MAML3: variants seen among roughly 807,000 people sequenced by gnomAD.
MAML3 encodes mastermind-like protein 3.
In MAML3, 27 loss-of-function variants were observed where a neutral mutation model predicts 101.9. That is an observed-to-expected ratio of 0.27 (90% CI 0.20 to 0.37). The LOEUF (loss-of-function observed/expected upper bound fraction) is 0.37, where lower values mean the gene tolerates loss of function less well. MAML3 is among the 10% of genes least tolerant of loss of function. The pLI is 1.00. For synonymous variants in MAML3, 501 were observed against 555.9 expected, an observed-to-expected ratio of 0.90 and a Z score of 1.39; for missense variants, 1,316 against 1,444.9, an observed-to-expected ratio of 0.91 and a Z score of 1.45.
Position 139,890,556 on chromosome 4 carries a change from T to C in MAML3, c.880A>G (p.Asn294Asp), listed in dbSNP as rs1057409715. The C allele has an allele frequency of 6.2e-7, 1 of 1,614,036 alleles. No individual in the cohort carries two copies. Among genetic ancestry groups the C allele is most frequent in the East Asian group, 2.2e-5 (1 of 44,890 alleles). Reference sequence around the variant, plus strand: ...ATGTCTGAGAACAGCTTGTTCTGATTTGAAAGAGATGTTTCTGATGTGTCT... The same window carrying C: ...ATGTCTGAGAACAGCTTGTTCTGATCTGAAAGAGATGTTTCTGATGTGTCT... The part of the protein sequence containing the change: ...CIDTSETSLS[N>D]QNKLFSDINL... Residue 294 changes from asparagine (N) to aspartate (D), a missense_variant, in exon 2 of 5, where the codon AAT (asparagine) becomes GAT (aspartate). Coordinates refer to ENST00000509479, the MANE Select transcript of MAML3 (RefSeq NM_018717.5). This position sits in a 1 kb window ranked among gnomAD's most constrained non-coding sequence, Gnocchi z 4.1.
chr4:140,068,938 C>T (rs183284074), intron 1 of MAML3, among the ~76,000 whole-genome samples: 4 of 152,138 alleles, frequency 2.6e-5, no homozygotes, highest in Non-Finnish European at 5.9e-5. Flanking sequence ...CCTATTGCAA[C>T]CAAACATTGA....
chr4:140,122,252 G>A (rs890573569), intron 1 of MAML3, among the ~76,000 whole-genome samples: 6 of 113,214 alleles, frequency 5.3e-5, no homozygotes, highest in Non-Finnish European at 1.1e-4. Flanking sequence ...ACAGAGTTTC[G>A]CTTTTGTCCC....
At position 140,011,640 on chromosome 4, in the gene MAML3, G is replaced by A. The variant is rs186167493; in HGVS notation, c.469-120673C>T. 3.0e-4 allele frequency among the ~76,000 whole-genome samples: 45 copies of A among 152,168 alleles called. No homozygotes were observed. The Middle Eastern group carries it at 0.014, about 46-fold the overall frequency. ...ATTACAGGCGTGAGCCACCGCGCCCGGCCGTTTTCTTGTTTTTATGGGAGG... is the reference window on the plus strand; with the variant it reads ...ATTACAGGCGTGAGCCACCGCGCCCAGCCGTTTTCTTGTTTTTATGGGAGG... On this transcript the variant is annotated intron_variant, in intron 1 of 4. Transcript: ENST00000509479.
At chr4:139,860,177 C>T (rs548651031) in intron 2 of MAML3, among the ~76,000 whole-genome samples, 1 of 152,366 alleles carries the variant, frequency 6.6e-6, no homozygotes, top group Non-Finnish European at 1.5e-5. Context: ...GCCGCAGAGG[C>T]GTGGAAACGC....
intron 2 of MAML3, among the ~76,000 whole-genome samples, chr4:139,862,650 A>T (rs759148443): frequency 3.5e-4 from 54 of 152,324 alleles, no homozygotes; most frequent in Non-Finnish European, 5.7e-4. Flanking sequence ...CTATCTCTGT[A>T]GCTGCCACCC....
intron 1 of MAML3, among the ~76,000 whole-genome samples, chr4:139,910,060 C>T (rs1228363331): frequency 6.6e-6 from 1 of 151,942 alleles, no homozygotes; most frequent in African/African-American, 2.4e-5. Flanking sequence ...TAGGACAAAA[C>T]AAAGAAGAAT....
intron 2 of MAML3, among the ~76,000 whole-genome samples, chr4:139,885,960 A>AAAG (rs771617532): frequency 1.6e-4 from 21 of 134,328 alleles, no homozygotes; most frequent in Non-Finnish European, 1.9e-4. Flanking sequence ...AAAAAAAAGA[A>AAAG]AGAGAAAAAA....
intron 1 of MAML3, among the ~76,000 whole-genome samples, chr4:140,021,332 G>C (rs372777839): frequency 2.1e-4 from 32 of 152,198 alleles, no homozygotes; most frequent in East Asian, 1.4e-3. Context: ...AAATTAACTA[G>C]GGCTGGAAAA....
chr4:139,945,401 A>C (rs1184374660), intron 1 of MAML3, among the ~76,000 whole-genome samples: 1 of 152,156 alleles, frequency 6.6e-6, no homozygotes, highest in Non-Finnish European at 1.5e-5. Context: ...ATTTTTTTAA[A>C]AAAGATTTAT....
rs1215236435 is a variant in MAML3 at position 140,050,016 on chromosome 4, G to C, written c.468+102844C>G. Among the ~76,000 whole-genome samples, 6 of 152,090 alleles carry C rather than the reference G, an allele frequency of 3.9e-5. No homozygotes were observed. The East Asian group carries it at 1.2e-3, about 29-fold the overall frequency. On this transcript the variant is annotated intron_variant, in intron 1 of 4. Transcript: ENST00000509479. ...AGCAGAGAAACATCTCTGCTAGAAAGATTTTTTTTTCCTTTGCCTCCTTTG... is the reference window on the plus strand; with the variant it reads ...AGCAGAGAAACATCTCTGCTAGAAACATTTTTTTTTCCTTTGCCTCCTTTG...
intron 1 of MAML3, among the ~76,000 whole-genome samples, chr4:140,054,934 C>T (rs550697681): frequency 2.2e-4 from 34 of 152,304 alleles, no homozygotes; most frequent in Admixed American, 4.6e-4. Flanking sequence ...GAAATTTTGT[C>T]TTCATTTTTA....
chr4:139,869,512 A>G (rs1731961070), intron 2 of MAML3, among the ~76,000 whole-genome samples: 1 of 152,242 alleles, frequency 6.6e-6, no homozygotes, highest in Admixed American at 6.5e-5. Flanking sequence ...AGCTAAATAA[A>G]AATGTCTTGC....
chr4:140,147,889 C>A (rs573552544), intron 1 of MAML3, among the ~76,000 whole-genome samples: 1 of 147,772 alleles, frequency 6.8e-6, no homozygotes, highest in East Asian at 2.0e-4. Flanking sequence ...ATGACACTCA[C>A]ACCAGGGTGA....
intron 1 of MAML3, among the ~76,000 whole-genome samples, chr4:139,894,228 T>C (rs190201151): frequency 6.2e-4 from 95 of 152,260 alleles, no homozygotes; most frequent in Non-Finnish European, 1.1e-3. Context: ...TTGAAAAGTA[T>C]GGCCAGGCAC....
intron 1 of MAML3, among the ~76,000 whole-genome samples, chr4:140,126,947 T>G (rs1728694393): frequency 6.6e-6 from 1 of 152,212 alleles, no homozygotes; most frequent in Non-Finnish European, 1.5e-5. Context: ...CTCACCTACT[T>G]GAAGCCCTTC....
In MAML3 at chr4:139,860,547, T is replaced by C. The variant is rs543760040; in HGVS notation, c.2079+28810A>G. ...AAGACAAATACGACAACCGTTTCCT[T>C]GATTTTGTTCAAACCTCAGGAAAGG... On this transcript the variant is annotated intron_variant, in intron 2 of 4. Transcript: ENST00000509479. Among the ~76,000 whole-genome samples the C allele has an allele frequency of 3.5e-4, 54 of 152,340 alleles. 1 individual carries two copies. Among genetic ancestry groups the C allele is most frequent in the African/African-American group, 1.3e-3 (52 of 41,586 alleles).
At chr4:140,039,317 T>C (rs1046236801) in intron 1 of MAML3, among the ~76,000 whole-genome samples, 14 of 152,110 alleles carry the variant, frequency 9.2e-5, no homozygotes, top group Admixed American at 7.9e-4. Flanking sequence ...ACCTGTCTGC[T>C]GGACTGCTCC....
At chr4:139,800,444 A>G (rs1730584004) in intron 2 of MAML3, among the ~76,000 whole-genome samples, 1 of 152,216 alleles carries the variant, frequency 6.6e-6, no homozygotes, top group Admixed American at 6.5e-5. Flanking sequence ...TTAGTAATTG[A>G]CTTGATGATG....
rs1560817703 is a variant in MAML3 at position 139,863,831 on chromosome 4, G to GGTTTTTTTTTT, written c.2079+25515_2079+25525dup. Among the ~76,000 whole-genome samples, 50 of 50,756 alleles carry GGTTTTTTTTTT rather than the reference G, an allele frequency of 9.9e-4. 1 individual carries two copies. The highest frequency in any genetic ancestry group is 4.3e-3 in the African/African-American group (44 of 10,206). 33.3% of individuals were successfully genotyped at this position (50,756 alleles called of 152,430 possible). ...CTTTCTGTGGTAATACCAGAACATGGGTTTTTTTTTTTTTTTTTTTTTTTT... is the reference window on the plus strand; with the variant it reads ...CTTTCTGTGGTAATACCAGAACATGGGTTTTTTTTTTGTTTTTTTTTTTTTTTTTTTTTTTT... On this transcript the variant is annotated intron_variant, in intron 2 of 4. Coordinates refer to ENST00000509479, the MANE Select transcript of MAML3 (RefSeq NM_018717.5).
Sources: allele counts gnomAD v4.1 joint callset (sites outside exome capture counted in the v4.1 genomes callset), GRCh38; gene constraint gnomAD v4.1.1; non-coding constraint Gnocchi (gnomAD v3.1); transcripts MANE v1.5; gene names NCBI Gene and HGNC (gene_info 2026-07-23, HGNC 2026-07-21).